The following KMT2E variants were observed in gnomAD, a reference collection of about 807,000 sequenced individuals.
KMT2E encodes the protein lysine methyltransferase 2E (inactive), also known as histone reader KMT2E.
In KMT2E, 30 loss-of-function variants were observed where a neutral mutation model predicts 184.6. The observed-to-expected ratio is 0.16, with a 90% CI of 0.12 to 0.22. The LOEUF (loss-of-function observed/expected upper bound fraction) is 0.22. Ranked by LOEUF, KMT2E falls within the 10% of genes least tolerant of loss-of-function variation. KMT2E has a pLI of 1.00. For missense variants in KMT2E, 2,023 were observed against 2,237.4 expected (o/e 0.90, Z 1.93); for synonymous variants, 815 against 776.5 (o/e 1.05, Z -0.82).
Position 105,101,581 on chromosome 7 carries a change from G to A in KMT2E, c.1879G>A (p.Val627Ile). Residue 627 changes from valine to isoleucine, a missense_variant, in exon 16 of 27, where the codon GTT becomes ATT. Coordinates refer to ENST00000311117, the MANE Select transcript of KMT2E (RefSeq NM_182931.3). Reference sequence around the variant, plus strand: ...TACACAGATTGTCAGTGATGCTGAAGTTATTCAGGTATTATTTATTCAGGT... The same window carrying A: ...TACACAGATTGTCAGTGATGCTGAAATTATTCAGGTATTATTTATTCAGGT... ...KDTQIVSDAEVIQEQAKEENA... is the reference protein window; with the variant it reads ...KDTQIVSDAEIIQEQAKEENA... The A allele has an allele frequency of 6.5e-7, 1 of 1,538,944 alleles. No individual in the cohort carries two copies. The highest frequency in any genetic ancestry group is 1.4e-5 in the African/African-American group (1 of 70,662).
intron 1 of KMT2E, among the ~76,000 whole-genome samples, chr7:105,019,433 CTATT>C (rs1377878121): frequency 1.3e-5 from 2 of 152,050 alleles, no homozygotes; most frequent in Non-Finnish European, 2.9e-5. Flanking sequence ...TTTACCAAAA[CTATT>C]TAAGCTTTTT....
intron 3 of KMT2E, among the ~76,000 whole-genome samples, chr7:105,049,436 C>T (rs1306105816): frequency 2.7e-5 from 4 of 150,284 alleles, no homozygotes; most frequent in African/African-American, 9.8e-5. Flanking sequence ...AAAGTGAGAC[C>T]TTGTCTCAAA....
chr7:105,081,423 T>TTTATTATTA (rs34070011), intron 12 of KMT2E, among the ~76,000 whole-genome samples: 127 of 147,810 alleles, frequency 8.6e-4, no homozygotes, highest in East Asian at 3.0e-3. Context: ...ATATAGTATT[T>TTTATTATTA]TTATTATTAT....
In KMT2E at chr7:105,113,590, G is replaced by T; in HGVS notation, c.*257G>T. The T allele has an allele frequency of 6.1e-6, 2 of 327,082 alleles. No individual in the cohort carries two copies. Among genetic ancestry groups the T allele is most frequent in the East Asian group, 5.8e-5 (1 of 17,328 alleles). 20.3% of individuals were successfully genotyped at this position (327,082 alleles called of 1,614,324 possible). A position where few individuals can be genotyped will look rare whatever the true frequency, so the allele number is the denominator to read the frequency against. ...CTGGCAGATCTGATGCTGATTTGATGCTGTATGATCTTTTTTTTTTTTTTA... is the reference window on the plus strand; with the variant it reads ...CTGGCAGATCTGATGCTGATTTGATTCTGTATGATCTTTTTTTTTTTTTTA... On this transcript the variant is annotated 3_prime_UTR_variant, in exon 27 of 27. Coordinates refer to ENST00000311117, the MANE Select transcript of KMT2E (RefSeq NM_182931.3).
At chr7:105,034,095 C>T (rs540605468) in intron 1 of KMT2E, among the ~76,000 whole-genome samples, 3 of 152,302 alleles carry the variant, frequency 2.0e-5, no homozygotes, top group East Asian at 3.9e-4. Flanking sequence ...GGCTCCACAT[C>T]GTAACCTTGC....
chr7:105,021,456 T>C (rs903514031), intron 1 of KMT2E, among the ~76,000 whole-genome samples: 1 of 152,226 alleles, frequency 6.6e-6, no homozygotes, highest in Non-Finnish European at 1.5e-5. Context: ...GCCTGCTGTT[T>C]TAGAGTTTTT....
In KMT2E at chr7:105,111,951, C is replaced by T. The variant is rs747079148; in HGVS notation, c.4195C>T (p.Leu1399Phe). The part of the protein sequence containing the change: ...AENGVHLKTE[L>F]QQKQLSNNNQ... ...AAATGGTGTTCACCTAAAAACAGAG[C>T]TCCAACAAAAACAGCTATCAAATAA... The change falls in exon 27 of 27, where the codon CTC (leucine) becomes TTC (phenylalanine). Residue 1399 changes from leucine (L) to phenylalanine (F), a missense_variant. Leu to Phe is a conservative substitution (Grantham distance 22, BLOSUM62 0). This residue lies in a region of KMT2E where 1,108 missense variants were observed against 1,050.9 expected (regional missense o/e 1.05). Coordinates refer to ENST00000311117, the MANE Select transcript of KMT2E (RefSeq NM_182931.3). 17 of 1,613,994 alleles carry T rather than the reference C, an allele frequency of 1.1e-5. No individual in the cohort carries two copies. In the Admixed American group the frequency reaches 2.7e-4, roughly 25 times the overall value.
intron 3 of KMT2E, among the ~76,000 whole-genome samples, chr7:105,054,495 T>G (rs1256464521): frequency 6.6e-6 from 1 of 151,032 alleles, no homozygotes; most frequent in Middle Eastern, 3.2e-3. Flanking sequence ...TATCTATCTA[T>G]CTATCTATCT....
rs1322573703 is a variant in KMT2E, at chr7:105,071,729, T to A, written c.498-1890T>A. On this transcript the variant is annotated intron_variant, in intron 6 of 26. Transcript: ENST00000311117. ...GCCTCGGCCTCCCAGAGTGCTGAGA[T>A]TACAGGCGTGGGCCACCACGCCCGG... is the stretch of plus-strand genomic sequence containing the variant. 4.8e-5 allele frequency among the ~76,000 whole-genome samples: 7 copies of A among 147,036 alleles called. No individual in the cohort carries two copies. In the East Asian group the frequency reaches 1.7e-3, roughly 35 times the overall value.
chr7:105,021,213 T>C (rs910497808), intron 1 of KMT2E, among the ~76,000 whole-genome samples: 4 of 152,242 alleles, frequency 2.6e-5, no homozygotes, highest in Non-Finnish European at 5.9e-5. Flanking sequence ...ATAGTAACTC[T>C]TACCCAGAAA....
chr7:105,073,693 C>T lies in KMT2E; in HGVS notation c.556+16C>T. The stretch of plus-strand genomic sequence containing the variant: ...AATATGTCAGGTAGGTAAAAAGGAC[C>T]TACACTAAATTAAAATTCGTGTGAT... On this transcript the variant is annotated intron_variant, in intron 7 of 26. Transcript: ENST00000311117. 6.6e-7 allele frequency: 1 copy of T among 1,526,136 alleles called. No individual in the cohort carries two copies. The highest frequency in any genetic ancestry group is 9.1e-7 in the Non-Finnish European group (1 of 1,101,294). The allele number at this position is 1,526,136 out of a possible 1,614,324, so 94.5% of individuals were successfully genotyped here.
intron 3 of KMT2E, among the ~76,000 whole-genome samples, chr7:105,041,404 C>T (rs1166783971): frequency 6.6e-6 from 1 of 152,024 alleles, no homozygotes; most frequent in African/African-American, 2.4e-5. Context: ...GCTTGGGTTC[C>T]CCCCACCCCC....
chr7:105,102,367 T>G lies in KMT2E; in HGVS notation c.2196+173T>G. 8 of 513,362 alleles carry G rather than the reference T, an allele frequency of 1.6e-5. 1 individual carries two copies. The South Asian group carries it at 2.3e-4, about 15-fold the overall frequency. 31.8% of individuals were successfully genotyped at this position (513,362 alleles called of 1,614,324 possible). The stretch of plus-strand genomic sequence containing the variant: ...CAAAACTGTAAAATTAATATAAATG[T>G]TTGCATTACTGTGAAGATAAAGTTA... On this transcript the variant is annotated intron_variant, in intron 17 of 26. Coordinates refer to ENST00000311117, the MANE Select transcript of KMT2E (RefSeq NM_182931.3).
At chr7:105,102,258 T>C in intron 17 of KMT2E, 64 bp downstream of exon 17, 7 of 1,417,572 alleles carry the variant, frequency 4.9e-6, no homozygotes, top group African/African-American at 1.5e-5. Flanking sequence ...TATATTGTTG[T>C]TTTAAAAATT....
In KMT2E at chr7:105,105,868, A is replaced by C. The variant is rs753877784; in HGVS notation, c.2461A>C (p.Lys821Gln). The C allele has an allele frequency of 6.2e-7, 1 of 1,611,640 alleles. No homozygotes were observed. Among genetic ancestry groups the C allele is most frequent in the African/African-American group, 1.3e-5 (1 of 74,806 alleles). The change falls in exon 19 of 27, where the codon AAA (lysine) becomes CAA (glutamine). Residue 821 changes from lysine (K) to glutamine (Q), a missense_variant. Physicochemically the swap from Lys to Gln is moderately conservative, Grantham distance 53. Coordinates refer to ENST00000311117, the MANE Select transcript of KMT2E (RefSeq NM_182931.3). ...ISGSCKKRWL[K>Q]QALEEENSAI... ...ATTCTGTTTTATTCAGCGATGGTTG[A>C]AACAAGCTCTGGAAGAAGAAAATTC...
chr7:105,054,208 A>G (rs1346326250), intron 3 of KMT2E, among the ~76,000 whole-genome samples: 1 of 151,454 alleles, frequency 6.6e-6, no homozygotes, highest in Non-Finnish European at 1.5e-5. Flanking sequence ...TTTTTTAAAG[A>G]AAGGCTGCAG....
At chr7:105,104,360 A>G (rs1798799739) in intron 17 of KMT2E, 1 of 152,136 alleles carries the variant, frequency 6.6e-6, no homozygotes, top group Non-Finnish European at 1.5e-5. Flanking sequence ...CAAACCCCTT[A>G]TATCAGGGAT....
At chr7:105,057,786 C>T (rs558627316) in intron 3 of KMT2E, among the ~76,000 whole-genome samples, 18 of 152,234 alleles carry the variant, frequency 1.2e-4, no homozygotes, top group African/African-American at 3.6e-4. Flanking sequence ...CCATTTCTCT[C>T]ATGTATTATT....
chr7:105,069,777 TC>T (rs1469089845), intron 6 of KMT2E, among the ~76,000 whole-genome samples: 1 of 152,176 alleles, frequency 6.6e-6, no homozygotes, highest in Non-Finnish European at 1.5e-5. Context: ...TATAGAACAT[TC>T]CTGTCACTGC....
Sources: gnomAD v4.1 joint callset for allele counts (sites outside exome capture counted in the v4.1 genomes callset) on GRCh38, gnomAD v4.1.1 for gene constraint, gnomAD v4.1.1 regional missense constraint, MANE v1.5 for transcripts, NCBI Gene and HGNC (gene_info 2026-07-23, HGNC 2026-07-21) for gene names.